Variants in ZPBP observed in about 807,000 individuals in gnomAD.
The protein encoded by ZPBP is zona pellucida-binding protein 1.
Under a neutral mutation model 44.8 loss-of-function variants are expected in ZPBP, and 26 were observed. The observed-to-expected ratio is 0.58, with a 90% CI of 0.43 to 0.81. The LOEUF is 0.81. ZPBP is among the 30% of genes least tolerant of loss of function. ZPBP has a pLI of 0.00. For synonymous variants in ZPBP, 174 were observed against 153.2 expected, an observed-to-expected ratio of 1.14 and a Z score of -1.00; for missense variants, 409 against 434.0, an observed-to-expected ratio of 0.94 and a Z score of 0.51.
intron 7 of ZPBP, among the ~76,000 whole-genome samples, chr7:49,969,487 C>T (rs1339412494): frequency 7.4e-6 from 1 of 135,966 alleles, no homozygotes; most frequent in Non-Finnish European, 1.6e-5. Flanking sequence ...AAACCTATCT[C>T]AGATAACTTC....
rs1190842800 is a variant in ZPBP at position 50,014,631 on chromosome 7, T to C, written c.783+3609A>G. ...AGGCACCTACCACCACGCCCGGCTA[T>C]TTTTTTTATTTTTAGTAGAGATGGG... On this transcript the variant is annotated intron_variant, in intron 6 of 7. Transcript: ENST00000046087. Among the ~76,000 whole-genome samples the C allele has an allele frequency of 2.6e-5, 4 of 151,034 alleles. No individual in the cohort carries two copies. The East Asian group carries it at 7.8e-4, about 29-fold the overall frequency.
chr7:49,981,647 T>C (rs1284435701), intron 7 of ZPBP, among the ~76,000 whole-genome samples: 1 of 66,192 alleles, frequency 1.5e-5, no homozygotes, highest in Non-Finnish European at 2.4e-5. Flanking sequence ...TATTATATAA[T>C]ATCTTGATAT....
chr7:50,015,269 T>A (rs763967209), intron 6 of ZPBP, among the ~76,000 whole-genome samples: 2 of 152,082 alleles, frequency 1.3e-5, no homozygotes, highest in Non-Finnish European at 2.9e-5. Context: ...ATTAACTTAA[T>A]GAAACTACAG....
At chr7:49,905,960 A>T (rs1419491373) in intron 1 of ZPBP, among the ~76,000 whole-genome samples, 3 of 149,804 alleles carry the variant, frequency 2.0e-5, no homozygotes, top group Non-Finnish European at 4.5e-5. Flanking sequence ...AAGTTACCTT[A>T]TATGGTCTAA....
chr7:49,959,265 C>A (rs201700316), intron 7 of ZPBP, among the ~76,000 whole-genome samples: 160 of 141,634 alleles, frequency 1.1e-3, no homozygotes, highest in South Asian at 1.3e-3. Context: ...TAAAGCAAGC[C>A]AAAAAAAAAA....
At chr7:50,039,288 AG>A (rs977370946) in intron 4 of ZPBP, among the ~76,000 whole-genome samples, 9 of 152,190 alleles carry the variant, frequency 5.9e-5, no homozygotes, top group Non-Finnish European at 1.3e-4. Context: ...AAATACTAAG[AG>A]GGTTCAAGAG....
At chr7:49,935,768 T>G (rs1794602388), downstream of ZPBP, 1 of 152,250 alleles carries the variant, frequency 6.6e-6, no homozygotes, top group South Asian at 2.1e-4. Flanking sequence ...TGCCTTCAGA[T>G]ATTTGTGTGG....
intron 4 of ZPBP, among the ~76,000 whole-genome samples, chr7:50,036,452 T>C (rs945990736): frequency 2.6e-5 from 4 of 152,258 alleles, no homozygotes; most frequent in East Asian, 1.9e-4. Flanking sequence ...GCCTGGCCAA[T>C]AAATATGTTT....
At chr7:49,982,800 A>C (rs1010162963) in intron 7 of ZPBP, among the ~76,000 whole-genome samples, 1 of 151,964 alleles carries the variant, frequency 6.6e-6, no homozygotes, top group African/African-American at 2.4e-5. Context: ...CTTTGAATTC[A>C]TGTGCTCAAT....
chr7:50,077,807 T>C (rs1802171548), intron 3 of ZPBP, among the ~76,000 whole-genome samples: 4 of 151,868 alleles, frequency 2.6e-5, no homozygotes, highest in Admixed American at 2.6e-4. Flanking sequence ...TGTAAACTAG[T>C]ACAACCATTA....
chr7:50,029,908 T>C (rs1236089840), intron 5 of ZPBP, among the ~76,000 whole-genome samples: 1 of 152,202 alleles, frequency 6.6e-6, no homozygotes, highest in Admixed American at 6.5e-5. Flanking sequence ...CAGGCTGAAG[T>C]GCAGTGGCAC....
intron 7 of ZPBP, among the ~76,000 whole-genome samples, chr7:49,955,601 GA>G (rs1257820496): frequency 6.6e-6 from 1 of 151,704 alleles, no homozygotes; most frequent in Non-Finnish European, 1.5e-5. Flanking sequence ...TTTCAGATAA[GA>G]AAGGAAAGAC....
intron 7 of ZPBP, among the ~76,000 whole-genome samples, chr7:49,981,293 T>G (rs1796865077): frequency 1.2e-5 from 1 of 80,810 alleles, no homozygotes; most frequent in Non-Finnish European, 2.2e-5. Flanking sequence ...TTATATAATA[T>G]ATATTATATA....
chr7:50,066,150 T>C (rs953806289), intron 3 of ZPBP, among the ~76,000 whole-genome samples: 5 of 150,994 alleles, frequency 3.3e-5, no homozygotes, highest in Non-Finnish European at 7.4e-5. Context: ...AGACTGCTTC[T>C]GATTGTTTTA....
chr7:49,957,432 A>G (rs930423691), intron 7 of ZPBP, among the ~76,000 whole-genome samples: 2 of 152,172 alleles, frequency 1.3e-5, no homozygotes, highest in African/African-American at 4.8e-5. Context: ...CCCTCAGGAC[A>G]TCGAGGCTTG....
intron 7 of ZPBP, among the ~76,000 whole-genome samples, chr7:49,964,521 G>T (rs1795985990): frequency 1.3e-5 from 2 of 151,870 alleles, no homozygotes; most frequent in Admixed American, 1.3e-4. Flanking sequence ...TTAAAATAGG[G>T]TAAAAAATGT....
chr7:50,005,301 C>A (rs573110371), intron 6 of ZPBP, among the ~76,000 whole-genome samples: 72 of 151,926 alleles, frequency 4.7e-4, no homozygotes, highest in African/African-American at 1.6e-3. Flanking sequence ...GAGAATAAAT[C>A]AAAGTCTTAT....
intron 2 of ZPBP, among the ~76,000 whole-genome samples, chr7:49,871,039 A>T (rs781042158): frequency 6.6e-6 from 1 of 152,224 alleles, no homozygotes; most frequent in African/African-American, 2.4e-5. Flanking sequence ...TATTCCACAG[A>T]ACCAATAAAT....
intron 6 of ZPBP, among the ~76,000 whole-genome samples, chr7:50,011,783 G>C (rs1798595714): frequency 6.6e-6 from 1 of 152,042 alleles, no homozygotes; most frequent in African/African-American, 2.4e-5. Flanking sequence ...CAGGTGTGGT[G>C]GCTCATGACT....
Sources: gnomAD v4.1 joint callset for allele counts (sites outside exome capture counted in the v4.1 genomes callset) on GRCh38, gnomAD v4.1.1 for gene constraint, MANE v1.5 for transcripts, NCBI Gene and HGNC (gene_info 2026-07-23, HGNC 2026-07-21) for gene names.